Variants in GADL1 observed in about 807,000 individuals in gnomAD.
GADL1 encodes acidic amino acid decarboxylase GADL1.
GADL1 carries 71 observed loss-of-function variants against 69.5 expected under a neutral mutation model. The ratio of observed to expected loss-of-function variants is 1.02; its 90% CI spans 0.84 to 1.25. The LOEUF is 1.25. Among genes scored for constraint, GADL1 ranks in the 50% most tolerant of loss-of-function variants. The pLI is 0.00. For missense variants in GADL1, 737 were observed against 631.8 expected (o/e 1.17, Z -1.79); for synonymous variants, 254 against 214.4 (o/e 1.18, Z -1.62).
At chr3:30,752,346 G>A (rs1309747845) in intron 14 of GADL1, among the ~76,000 whole-genome samples, 2 of 151,908 alleles carry the variant, frequency 1.3e-5, no homozygotes, top group Non-Finnish European at 2.9e-5. Context: ...AGTTACGGGT[G>A]CAGTTTAAGC....
intron 1 of GADL1, among the ~76,000 whole-genome samples, chr3:30,891,525 T>C (rs1039359650): frequency 5.0e-4 from 76 of 152,100 alleles, no homozygotes; most frequent in Admixed American, 4.9e-3. Context: ...GCCCATATTC[T>C]GTAACATAGG....
chr3:30,731,211 C>T (rs1575176503), intron 14 of GADL1, among the ~76,000 whole-genome samples: 12 of 152,318 alleles, frequency 7.9e-5, no homozygotes, highest in Admixed American at 7.2e-4. Flanking sequence ...AATCAAAATT[C>T]TCTTCATGTT....
chr3:30,822,896 T>C (rs1697612048), intron 11 of GADL1, among the ~76,000 whole-genome samples: 1 of 152,028 alleles, frequency 6.6e-6, no homozygotes. Context: ...ATTCACTGAA[T>C]ACGCAGTAGT....
intron 14 of GADL1, among the ~76,000 whole-genome samples, chr3:30,733,135 A>C (rs1248898372): frequency 6.6e-6 from 1 of 152,240 alleles, no homozygotes; most frequent in Non-Finnish European, 1.5e-5. Context: ...ATACTTTAGT[A>C]AAATACAATA....
chr3:30,868,928 G>A (rs1361022117), intron 1 of GADL1, among the ~76,000 whole-genome samples: 1 of 151,826 alleles, frequency 6.6e-6, no homozygotes, highest in Non-Finnish European at 1.5e-5. Context: ...CAAAGACGCT[G>A]GGGACCAAGG....
At chr3:30,883,914 T>C (rs1177324349) in intron 1 of GADL1, among the ~76,000 whole-genome samples, 1 of 152,068 alleles carries the variant, frequency 6.6e-6, no homozygotes, top group Non-Finnish European at 1.5e-5. Context: ...AGTTTTTAAA[T>C]AAAAATTTTA....
chr3:30,890,026 A>G (rs1698765990), intron 1 of GADL1, among the ~76,000 whole-genome samples: 1 of 152,216 alleles, frequency 6.6e-6, no homozygotes, highest in South Asian at 2.1e-4. Flanking sequence ...GCATTCACAT[A>G]GTATTCTATA....
intron 14 of GADL1, among the ~76,000 whole-genome samples, chr3:30,740,393 C>G (rs1369972894): frequency 6.6e-6 from 1 of 152,108 alleles, no homozygotes; most frequent in African/African-American, 2.4e-5. Context: ...GGCATTCTTT[C>G]CCAAGTTGGG....
chr3:30,862,111 G>T (rs1698329867), intron 1 of GADL1, among the ~76,000 whole-genome samples: 1 of 151,892 alleles, frequency 6.6e-6, no homozygotes, highest in African/African-American at 2.4e-5. Context: ...TCCCATGCTA[G>T]ATGGTGTTTG....
chr3:30,857,336 T>C (rs1698244970), intron 2 of GADL1, among the ~76,000 whole-genome samples, 195 bp from the exon 3 acceptor site: 1 of 152,068 alleles, frequency 6.6e-6, no homozygotes, highest in Non-Finnish European at 1.5e-5. Flanking sequence ...ATCTTAGATT[T>C]GCAAGGTAAA....
intron 14 of GADL1, among the ~76,000 whole-genome samples, chr3:30,766,870 TGA>T (rs1209980832): frequency 6.6e-6 from 1 of 152,162 alleles, no homozygotes; most frequent in Non-Finnish European, 1.5e-5. Context: ...AGTGACATAT[TGA>T]GAGTTGGACT....
intron 9 of GADL1, among the ~76,000 whole-genome samples, chr3:30,835,836 T>C (rs550015512): frequency 5.3e-5 from 8 of 152,038 alleles, no homozygotes; most frequent in East Asian, 1.9e-4. Flanking sequence ...AACTTGGCAT[T>C]ATCAGTCAAA....
chr3:30,741,592 G>T (rs1290883272), intron 14 of GADL1, among the ~76,000 whole-genome samples: 1 of 151,800 alleles, frequency 6.6e-6, no homozygotes, highest in Non-Finnish European at 1.5e-5. Flanking sequence ...TGTTCTTGCC[G>T]GTTACTACCA....
chr3:30,835,362 A>G (rs536654401), intron 9 of GADL1, among the ~76,000 whole-genome samples: 1 of 152,264 alleles, frequency 6.6e-6, no homozygotes, highest in Admixed American at 6.5e-5. Flanking sequence ...ATTTAAAGGC[A>G]TAGGTAGACC....
At chr3:30,888,711 G>A (rs1228394639) in intron 1 of GADL1, among the ~76,000 whole-genome samples, 1 of 151,978 alleles carries the variant, frequency 6.6e-6, no homozygotes, top group Non-Finnish European at 1.5e-5. Context: ...CAGTCTCAAG[G>A]GCACTCAACA....
chr3:30,757,181 T>TG (rs1336517917), intron 14 of GADL1, among the ~76,000 whole-genome samples: 3 of 152,088 alleles, frequency 2.0e-5, no homozygotes, highest in African/African-American at 4.8e-5. Flanking sequence ...AAAATGTGAT[T>TG]GAAAAAATAA....
In GADL1 at chr3:30,741,190, A is replaced by ATGTGTGTGTGTG. The variant is rs60283911; in HGVS notation, c.1393-12787_1393-12776dup. On this transcript the variant is annotated intron_variant, in intron 14 of 14. Coordinates refer to ENST00000282538, the MANE Select transcript of GADL1 (RefSeq NM_207359.3). ...TAAATATTATATATATTATATAATT[A>ATGTGTGTGTGTG]TGTGTGTGTGTGTGTGTGTGTGTGT... Among the ~76,000 whole-genome samples, 5 of 132,632 alleles carry ATGTGTGTGTGTG rather than the reference A, an allele frequency of 3.8e-5. No individual in the cohort carries two copies. In the East Asian group the frequency reaches 6.4e-4, roughly 17 times the overall value. 87.0% of individuals were successfully genotyped at this position (132,632 alleles called of 152,430 possible).
intron 14 of GADL1, among the ~76,000 whole-genome samples, chr3:30,735,009 A>C (rs1695521878): frequency 6.6e-6 from 1 of 152,044 alleles, no homozygotes; most frequent in African/African-American, 2.4e-5. Context: ...AAATCTCTCT[A>C]CTTTGTTGTT....
chr3:30,791,468 A>C (rs970653565), intron 12 of GADL1, among the ~76,000 whole-genome samples: 1 of 152,152 alleles, frequency 6.6e-6, no homozygotes, highest in African/African-American at 2.4e-5. Context: ...AAGATGTACA[A>C]AAAAATTGGT....
Sources: gnomAD v4.1 joint callset for allele counts (sites outside exome capture counted in the v4.1 genomes callset) on GRCh38, gnomAD v4.1.1 for gene constraint, MANE v1.5 for transcripts, NCBI Gene and HGNC (gene_info 2026-07-23, HGNC 2026-07-21) for gene names.